The following ATP2B2 variants were observed in gnomAD, a reference collection of about 807,000 sequenced individuals.
ATP2B2 encodes plasma membrane calcium-transporting ATPase 2.
ATP2B2 carries 15 observed loss-of-function variants against 120.0 expected under a neutral mutation model. The ratio of observed to expected loss-of-function variants is 0.12; its 90% CI spans 0.08 to 0.19. The LOEUF (loss-of-function observed/expected upper bound fraction) is 0.19. Among genes scored for constraint, ATP2B2 ranks in the 10% least tolerant of loss-of-function variants. The probability of loss-of-function intolerance (pLI) is 1.00; values close to 1 mark genes in which losing one functional copy is unlikely to be tolerated. For missense variants in ATP2B2, 1,045 were observed against 1,719.8 expected (o/e 0.61, Z 6.94); for synonymous variants, 694 against 700.3 (o/e 0.99, Z 0.14).
At chr3:10,520,851 T>C (rs2066972076) in intron 3 of ATP2B2, among the ~76,000 whole-genome samples, 1 of 151,970 alleles carries the variant, frequency 6.6e-6, no homozygotes, top group South Asian at 2.1e-4. Flanking sequence ...ATGGCATACG[T>C]GGCTTCGGCA....
At chr3:10,645,350 A>G (rs2070295741) in intron 1 of ATP2B2, among the ~76,000 whole-genome samples, 3 of 152,212 alleles carry the variant, frequency 2.0e-5, no homozygotes, top group Non-Finnish European at 4.4e-5. Flanking sequence ...ACAGTGGATT[A>G]AGCAATAGCA....
At chr3:10,403,091 A>AT (rs34254781) in intron 3 of ATP2B2, among the ~76,000 whole-genome samples, 18,012 of 152,150 alleles carry the variant, frequency 0.12, 3,506 homozygotes, top group African/African-American at 0.4. Context: ...CCTCTGCATG[A>AT]TTTTGGGTAA....
intron 3 of ATP2B2, among the ~76,000 whole-genome samples, chr3:10,531,985 G>A (rs1361339620): frequency 1.2e-4 from 17 of 144,376 alleles, no homozygotes; most frequent in Admixed American, 5.6e-4. Context: ...GATTCTCCCC[G>A]CCCCACCACC....
chr3:10,443,593 C>A (rs1011882287), intron 2 of ATP2B2, among the ~76,000 whole-genome samples: 2 of 152,138 alleles, frequency 1.3e-5, no homozygotes, highest in Admixed American at 1.3e-4. Context: ...GAAAATGAAG[C>A]CAACACAGAG....
chr3:10,588,644 T>C (rs898672638), intron 2 of ATP2B2, among the ~76,000 whole-genome samples: 1 of 152,114 alleles, frequency 6.6e-6, no homozygotes, highest in African/African-American at 2.4e-5. Context: ...GAGGAAAGGA[T>C]CTCAACCCAC....
intron 1 of ATP2B2, among the ~76,000 whole-genome samples, chr3:10,641,994 ATCCACCCATCCACC>A (rs1421104988): frequency 6.6e-6 from 1 of 150,870 alleles, no homozygotes; most frequent in African/African-American, 2.4e-5. Flanking sequence ...TCATCCACCC[ATCCACCCATCCACC>A]CATCCACCCA....
chr3:10,451,278 T>G (rs920340013), intron 1 of ATP2B2, among the ~76,000 whole-genome samples: 2 of 152,046 alleles, frequency 1.3e-5, no homozygotes, highest in African/African-American at 2.4e-5. Flanking sequence ...CCCTGGTGGG[T>G]GGGTGGACTG....
In ATP2B2 at chr3:10,410,903, G is replaced by A. The variant is rs2062589194; in HGVS notation, c.200-88C>T. The stretch of plus-strand genomic sequence containing the variant: ...ATCTAGGGGCAGAAAAGGAGAAACA[G>A]AGCAAGAAACTTGCTGGTGGCTGGC... On this transcript the variant is annotated intron_variant, in intron 2 of 22. Coordinates refer to ENST00000360273, the MANE Select transcript of ATP2B2 (RefSeq NM_001001331.4). 1.1e-5 allele frequency: 17 copies of A among 1,498,462 alleles called. No individual in the cohort carries two copies. The Admixed American group carries it at 2.2e-4, about 19-fold the overall frequency. 92.8% of individuals were successfully genotyped at this position (1,498,462 alleles called of 1,614,324 possible). A position where few individuals can be genotyped will look rare whatever the true frequency, so the allele number is the denominator to read the frequency against.
intron 1 of ATP2B2, among the ~76,000 whole-genome samples, chr3:10,453,016 T>C (rs958653209): frequency 6.6e-6 from 1 of 152,260 alleles, no homozygotes; most frequent in African/African-American, 2.4e-5. Context: ...AATTTGGGGC[T>C]ACTGATATAT....
At chr3:10,461,450 G>A (rs1283764803) in intron 1 of ATP2B2, among the ~76,000 whole-genome samples, 4 of 152,208 alleles carry the variant, frequency 2.6e-5, no homozygotes, top group Non-Finnish European at 5.9e-5. Context: ...GCAGAGGTTT[G>A]CACTTGGGTC....
At chr3:10,641,405 C>T (rs564881966) in intron 1 of ATP2B2, among the ~76,000 whole-genome samples, 2 of 152,304 alleles carry the variant, frequency 1.3e-5, no homozygotes, top group South Asian at 4.1e-4. Context: ...ACAGCTGACC[C>T]TCAGCCCTAG....
At chr3:10,434,776 G>A (rs1270218108) in intron 2 of ATP2B2, among the ~76,000 whole-genome samples, 2 of 152,248 alleles carry the variant, frequency 1.3e-5, no homozygotes, top group Non-Finnish European at 2.9e-5. Context: ...TAGCCCATGA[G>A]GCCCAGGCCG....
chr3:10,619,481 A>G (rs988402236), intron 2 of ATP2B2, among the ~76,000 whole-genome samples: 5 of 152,210 alleles, frequency 3.3e-5, no homozygotes, highest in Admixed American at 6.5e-5. Flanking sequence ...TGTAAATAAC[A>G]GATATGACAG....
At chr3:10,537,590 G>T (rs78395719) in intron 2 of ATP2B2, among the ~76,000 whole-genome samples, 6,241 of 152,078 alleles carry the variant, frequency 0.041, 332 homozygotes, top group African/African-American at 0.12. Context: ...TGTGTTTTTA[G>T]ATTCCTTGGG....
chr3:10,658,597 A>G (rs2070698839), intron 1 of ATP2B2, among the ~76,000 whole-genome samples: 1 of 152,210 alleles, frequency 6.6e-6, no homozygotes, highest in Admixed American at 6.5e-5. Flanking sequence ...GACTATGTGA[A>G]AAGACCAAAT....
At chr3:10,670,584 A>AT (rs200149066) in intron 1 of ATP2B2, among the ~76,000 whole-genome samples, 2 of 152,030 alleles carry the variant, frequency 1.3e-5, no homozygotes, top group Non-Finnish European at 2.9e-5. Context: ...CACCTGGCTA[A>AT]TTTTTTTGTA....
Position 10,404,694 on chromosome 3 carries a change from C to A in ATP2B2, c.398-2346G>T, listed in dbSNP as rs140080867. ...GCTGGATTTGAGTGACATATGATGA[C>A]GGGAGGAGAGGAAATGGTGAACGGT... is the stretch of plus-strand genomic sequence containing the variant. On this transcript the variant is annotated intron_variant, in intron 3 of 22. Coordinates refer to ENST00000360273, the MANE Select transcript of ATP2B2 (RefSeq NM_001001331.4). 1.7e-4 allele frequency among the ~76,000 whole-genome samples: 26 copies of A among 152,180 alleles called. No homozygotes were observed. The East Asian group carries it at 2.9e-3, about 17-fold the overall frequency.
Position 10,424,296 on chromosome 3 carries a change from AG to A in ATP2B2, c.200-13482del, listed in dbSNP as rs2063080855. On this transcript the variant is annotated intron_variant, in intron 2 of 22. Transcript: ENST00000360273. ...ACGGCTAAAGCTAGGATTTGAACTCAGGTCCCTGAGGCTCCGAACTGTACTG... is the reference window on the plus strand; with the variant it reads ...ACGGCTAAAGCTAGGATTTGAACTCAGTCCCTGAGGCTCCGAACTGTACTG... Among the ~76,000 whole-genome samples the A allele has an allele frequency of 2.0e-5, 3 of 152,240 alleles. No individual in the cohort carries two copies. In the South Asian group the frequency reaches 6.2e-4, roughly 31 times the overall value.
At chr3:10,625,665 G>A (rs1559493204) in intron 1 of ATP2B2, among the ~76,000 whole-genome samples, 2 of 152,308 alleles carry the variant, frequency 1.3e-5, no homozygotes, top group East Asian at 3.9e-4. Flanking sequence ...AGAGTGGCCA[G>A]GATGCAGCCA....
Sources: gnomAD v4.1 joint callset for allele counts (sites outside exome capture counted in the v4.1 genomes callset) on GRCh38, gnomAD v4.1.1 for gene constraint, MANE v1.5 for transcripts, NCBI Gene and HGNC (gene_info 2026-07-23, HGNC 2026-07-21) for gene names.